Variants in DNAH6 observed in about 807,000 individuals in gnomAD.
DNAH6 encodes dynein axonemal heavy chain 6, also known as axonemal beta dynein heavy chain 6.
Under a neutral mutation model 491.4 loss-of-function variants are expected in DNAH6, and 340 were observed. That is an observed-to-expected ratio of 0.69 (90% CI 0.63 to 0.76). The LOEUF (loss-of-function observed/expected upper bound fraction) is 0.76. Among genes scored for constraint, DNAH6 ranks in the 30% least tolerant of loss-of-function variants. The probability of loss-of-function intolerance (pLI) is 0.00; values close to 1 mark genes in which losing one functional copy is unlikely to be tolerated. For synonymous variants in DNAH6, 1,603 were observed against 1,686.1 expected, an observed-to-expected ratio of 0.95 and a Z score of 1.21; for missense variants, 4,443 against 4,972.2, an observed-to-expected ratio of 0.89 and a Z score of 3.20.
intron 3 of DNAH6, among the ~76,000 whole-genome samples, chr2:84,526,689 G>C (rs760357342): frequency 6.6e-6 from 1 of 152,024 alleles, no homozygotes; most frequent in Non-Finnish European, 1.5e-5. Flanking sequence ...GCTTATTTTG[G>C]GTTTGGGTGA....
At chr2:84,517,449 A>C (rs771665405) in intron 1 of DNAH6, among the ~76,000 whole-genome samples, 4 of 152,204 alleles carry the variant, frequency 2.6e-5, no homozygotes, top group Non-Finnish European at 5.9e-5. Context: ...CATTTTGAAC[A>C]AGTTCCGCAG....
intron 2 of DNAH6, among the ~76,000 whole-genome samples, chr2:84,519,892 A>T (rs1234069105): frequency 2.0e-5 from 3 of 151,922 alleles, no homozygotes; most frequent in Non-Finnish European, 2.9e-5. Context: ...TGAAACTTAC[A>T]ATTTGTAATT....
chr2:84,614,732 G>A (rs762787195), intron 22 of DNAH6, among the ~76,000 whole-genome samples: 115 of 151,920 alleles, frequency 7.6e-4, no homozygotes, highest in Non-Finnish European at 2.1e-4. Context: ...TGCAGGGGTA[G>A]GGTGGTATCG....
Position 84,796,322 on chromosome 2 carries a change from T to A in DNAH6, c.11256T>A (p.Gly3752=). 6.6e-7 allele frequency: 1 copy of A among 1,511,274 alleles called. No individual in the cohort carries two copies. The highest frequency in any genetic ancestry group is 8.9e-7 in the Non-Finnish European group (1 of 1,126,498). The allele number at this position is 1,511,274 out of a possible 1,614,324, so 93.6% of individuals were successfully genotyped here. A position where few individuals can be genotyped will look rare whatever the true frequency, so the allele number is the denominator to read the frequency against. Residue 3752 remains glycine (G), a synonymous_variant, in exon 69 of 77, where the codon GGT becomes GGA. Coordinates refer to ENST00000389394, the MANE Select transcript of DNAH6 (RefSeq NM_001370.2). ...LIYITGEITY[G]GRVTDSWDQR... ...TCTTTTCAGGTGAAATTACTTATGGTGGTAGAGTCACAGACAGCTGGGACC... is the reference window on the plus strand; with the variant it reads ...TCTTTTCAGGTGAAATTACTTATGGAGGTAGAGTCACAGACAGCTGGGACC...
intron 35 of DNAH6, 46 bp downstream of exon 35, chr2:84,654,828 C>T: frequency 6.5e-7 from 1 of 1,544,094 alleles, no homozygotes. Flanking sequence ...TGTCAGGACT[C>T]ATGTTGCCTT....
At chr2:84,578,362 T>C (rs1457852421) in intron 13 of DNAH6, among the ~76,000 whole-genome samples, 1 of 152,146 alleles carries the variant, frequency 6.6e-6, no homozygotes, top group Admixed American at 6.5e-5. Flanking sequence ...GCTCAAGAAA[T>C]ACTTGGATAT....
chr2:84,761,429 G>A (rs868756317), intron 63 of DNAH6, among the ~76,000 whole-genome samples: 1 of 152,038 alleles, frequency 6.6e-6, no homozygotes, highest in African/African-American at 2.4e-5. Flanking sequence ...AACCACTAAT[G>A]TAGTCTACAC....
intron 12 of DNAH6, among the ~76,000 whole-genome samples, chr2:84,576,942 C>T (rs1346079149): frequency 6.6e-6 from 1 of 152,146 alleles, no homozygotes; most frequent in Non-Finnish European, 1.5e-5. Flanking sequence ...TTGAAACCAA[C>T]CTAACTCTGA....
intron 3 of DNAH6, among the ~76,000 whole-genome samples, chr2:84,527,660 G>A (rs938313234): frequency 3.3e-5 from 5 of 152,124 alleles, no homozygotes; most frequent in African/African-American, 1.2e-4. Context: ...GCCATCCCTG[G>A]CCAAGAAGTC....
At position 84,745,461 on chromosome 2, in the gene DNAH6, C is replaced by T. The variant is rs570876517; in HGVS notation, c.10512+212C>T. On this transcript the variant is annotated intron_variant, in intron 63 of 76. Coordinates refer to ENST00000389394, the MANE Select transcript of DNAH6 (RefSeq NM_001370.2). Reference sequence around the variant, plus strand: ...CAGGTGGATCACGGGGTCAGGAGATCGCGACCATCGTGGCTAACACGGTGA... The same window carrying T: ...CAGGTGGATCACGGGGTCAGGAGATTGCGACCATCGTGGCTAACACGGTGA... Among the ~76,000 whole-genome samples, 45 of 152,200 alleles carry T rather than the reference C, an allele frequency of 3.0e-4. No homozygotes were observed. In the South Asian group the frequency reaches 8.3e-3, roughly 28 times the overall value.
intron 44 of DNAH6, 106 bp from the exon 45 acceptor site, chr2:84,688,333 C>A: frequency 1.1e-6 from 1 of 944,800 alleles, no homozygotes. Flanking sequence ...TTGCAAAGAC[C>A]TTCAAAATTC....
intron 31 of DNAH6, 130 bp from the exon 32 acceptor site, chr2:84,640,300 T>C: frequency 1.6e-6 from 1 of 637,054 alleles, no homozygotes; most frequent in East Asian, 3.1e-5. Context: ...AATCTTTATG[T>C]TTCTTGATTA....
At chr2:84,513,169 ATAAT>A (rs753635790), upstream of DNAH6, among the ~76,000 whole-genome samples, 2 of 151,904 alleles carry the variant, frequency 1.3e-5, no homozygotes, top group African/African-American at 4.8e-5. Context: ...ATCTTAATTT[ATAAT>A]TAATTAAGTT....
At chr2:84,815,818 C>A in intron 75 of DNAH6, 43 bp from the exon 76 acceptor site, 1 of 1,447,950 alleles carries the variant, frequency 6.9e-7, no homozygotes, top group Non-Finnish European at 9.4e-7. Flanking sequence ...CCTGCTGATC[C>A]CTTTTCCCCC....
rs1363420260 is a variant in DNAH6, at chr2:84,699,703, T to G, written c.7787T>G (p.Val2596Gly). 7.7e-6 allele frequency: 12 copies of G among 1,551,732 alleles called. No homozygotes were observed. The highest frequency in any genetic ancestry group is 1.0e-5 in the Non-Finnish European group (12 of 1,146,992). Residue 2596 changes from valine to glycine, a missense_variant, in exon 48 of 77, where the codon GTG becomes GGG. By Grantham distance (109) the Val-to-Gly change is moderately radical. Transcript: ENST00000389394. ...CGATGCAGGATGTTTCCATCCCTTG[T>G]GAATTGCTGCACCATTGACTGGTTT... ...RSRCRMFPSL[V>G]NCCTIDWFVQ...
chr2:84,662,078 T>C (rs1691562869), intron 37 of DNAH6, among the ~76,000 whole-genome samples: 1 of 151,868 alleles, frequency 6.6e-6, no homozygotes, highest in Non-Finnish European at 1.5e-5. Flanking sequence ...TCTTAAAATT[T>C]GACAAAAAAG....
At chr2:84,814,952 AG>A (rs1680347143) in intron 75 of DNAH6, among the ~76,000 whole-genome samples, 1 of 152,238 alleles carries the variant, frequency 6.6e-6, no homozygotes, top group Non-Finnish European at 1.5e-5. Context: ...GTCTAAACAC[AG>A]GGTATGTGTT....
rs761780356 is a variant in DNAH6, at chr2:84,797,629, A to T, written c.11452A>T (p.Met3818Leu). Residue 3818 changes from methionine (M) to leucine (L), a missense_variant, in exon 70 of 77, where the codon ATG becomes TTG. By Grantham distance (15) the Met-to-Leu change is conservative. Transcript: ENST00000389394. ...GATCGATGACCCAGAAATTTTTGGA[A>T]TGCATGAAAATGCTAATCTAGTCTT... ...PLIDDPEIFGMHENANLVFQY... is the reference protein window; with the variant it reads ...PLIDDPEIFGLHENANLVFQY... 1 of 1,551,368 alleles carries T rather than the reference A, an allele frequency of 6.4e-7. No homozygotes were observed. Among genetic ancestry groups the T allele is most frequent in the South Asian group, 1.2e-5 (1 of 84,050 alleles).
At chr2:84,488,394 A>T in the DNAH6 span, among the ~76,000 whole-genome samples, 23 of 150,742 alleles carry the variant, frequency 1.5e-4, no homozygotes, top group African/African-American at 4.8e-4. Context: ...ATTAAAAAAT[A>T]AAAAAATAAA....
Sources: gnomAD v4.1 joint callset for allele counts (sites outside exome capture counted in the v4.1 genomes callset) on GRCh38, gnomAD v4.1.1 for gene constraint, MANE v1.5 for transcripts, NCBI Gene and HGNC (gene_info 2026-07-23, HGNC 2026-07-21) for gene names.